SLC24A4: variants seen among roughly 807,000 people sequenced by gnomAD.
SLC24A4 encodes the protein sodium/potassium/calcium exchanger 4.
A neutral mutation model predicts 79.0 loss-of-function variants in SLC24A4; 53 were observed. The ratio of observed to expected loss-of-function variants is 0.67; its 90% CI spans 0.54 to 0.84. The LOEUF (loss-of-function observed/expected upper bound fraction) is 0.84, where lower values mean the gene tolerates loss of function less well. Among genes scored for constraint, SLC24A4 ranks in the 40% least tolerant of loss-of-function variants. The probability of loss-of-function intolerance (pLI) is 0.00; values close to 1 mark genes in which losing one functional copy is unlikely to be tolerated. For synonymous variants in SLC24A4, 323 were observed against 323.8 expected (o/e 1.00, Z 0.03); for missense variants, 731 against 822.0 (o/e 0.89, Z 1.35).
chr14:92,401,327 A>G (rs1460089634), intron 2 of SLC24A4, among the ~76,000 whole-genome samples: 1 of 152,208 alleles, frequency 6.6e-6, no homozygotes, highest in Non-Finnish European at 1.5e-5. Flanking sequence ...TGTTCAAACC[A>G]TAGACATTGT....
intron 2 of SLC24A4, among the ~76,000 whole-genome samples, chr14:92,341,647 G>T: frequency 6.6e-6 from 1 of 152,152 alleles, no homozygotes; most frequent in Non-Finnish European, 1.5e-5. Flanking sequence ...AACCGTCGAC[G>T]GGCAGCTTGC....
chr14:92,367,702 G>C (rs979849534), intron 2 of SLC24A4, among the ~76,000 whole-genome samples: 1 of 152,250 alleles, frequency 6.6e-6, no homozygotes, highest in African/African-American at 2.4e-5. Flanking sequence ...TTGATGTCTG[G>C]ATTCAGGTGG....
chr14:92,352,593 C>T (rs946469668), intron 2 of SLC24A4, among the ~76,000 whole-genome samples: 3 of 152,208 alleles, frequency 2.0e-5, no homozygotes, highest in East Asian at 1.9e-4. Flanking sequence ...AGATGTGTGA[C>T]ATCCTCCTCA....
intron 2 of SLC24A4, among the ~76,000 whole-genome samples, chr14:92,388,395 T>C (rs117438089): frequency 0.12 from 19,008 of 152,220 alleles, 1,437 homozygotes; most frequent in Middle Eastern, 0.2. Context: ...TCTGTGGTTC[T>C]GTGGCTGCCG....
Position 92,439,319 on chromosome 14 carries a change from CCT to C in SLC24A4, c.319-10_319-9del. ...GGACCCTCACCGACCCTGCCTGTCT[CCT>C]CTCTCCTTTGCAGGCTCTGTATATG... On this transcript the variant is annotated splice_polypyrimidine_tract_variant and intron_variant, in intron 3 of 16. Coordinates refer to ENST00000532405, the MANE Select transcript of SLC24A4 (RefSeq NM_153646.4). 1 of 1,610,838 alleles carries C rather than the reference CCT, an allele frequency of 6.2e-7. No homozygotes were observed. Among genetic ancestry groups the C allele is most frequent in the South Asian group, 1.1e-5 (1 of 91,014 alleles).
rs780409396 is a variant in SLC24A4 at position 92,485,532 on chromosome 14, C to T, written c.1423-1134C>T. 5.9e-5 allele frequency among the ~76,000 whole-genome samples: 9 copies of T among 151,586 alleles called. No homozygotes were observed. The Middle Eastern group carries it at 0.014, about 229-fold the overall frequency. Reference sequence around the variant, plus strand: ...AGATGACAATCAGAGATAAAGAAAACTGTGCCTTAAGTGAATTGGATTTGC... The same window carrying T: ...AGATGACAATCAGAGATAAAGAAAATTGTGCCTTAAGTGAATTGGATTTGC... On this transcript the variant is annotated intron_variant, in intron 13 of 16. Transcript: ENST00000532405.
intron 2 of SLC24A4, among the ~76,000 whole-genome samples, chr14:92,349,985 A>G (rs12890844): frequency 0.55 from 84,337 of 152,114 alleles, 26,736 homozygotes; most frequent in East Asian, 0.78. Context: ...TACCTGGCAG[A>G]TATTTCACCA....
chr14:92,351,107 T>C (rs1886835257), intron 2 of SLC24A4, among the ~76,000 whole-genome samples: 1 of 152,204 alleles, frequency 6.6e-6, no homozygotes, highest in Non-Finnish European at 1.5e-5. Context: ...ACTCAATCTA[T>C]GGTACTTTGT....
intron 2 of SLC24A4, among the ~76,000 whole-genome samples, chr14:92,334,688 C>A (rs1885674651): frequency 6.6e-6 from 1 of 152,122 alleles, no homozygotes; most frequent in African/African-American, 2.4e-5. Flanking sequence ...GGGTTTGAGT[C>A]CCAGCTCACC....
intron 10 of SLC24A4, chr14:92,451,189 G>A (rs1363024590): frequency 6.6e-6 from 1 of 152,246 alleles, no homozygotes; most frequent in Non-Finnish European, 1.5e-5. Flanking sequence ...AAGTGTGGAG[G>A]GAAGTGGGGT....
At chr14:92,456,670 C>T (rs1050344534) in intron 12 of SLC24A4, 62 bp downstream of exon 12, 3 of 1,541,460 alleles carry the variant, frequency 1.9e-6, no homozygotes, top group African/African-American at 2.7e-5. Context: ...AGGACCAAGC[C>T]CAGGTCTTCA....
At chr14:92,492,299 G>T (rs192947870) in intron 16 of SLC24A4, 59 bp downstream of exon 16, 2 of 1,515,232 alleles carry the variant, frequency 1.3e-6, no homozygotes, top group East Asian at 2.3e-5. Context: ...ATCTGATTCC[G>T]CCTCGTCACT....
Position 92,497,668 on chromosome 14 carries a change from A to G in SLC24A4, c.*4040A>G, listed in dbSNP as rs2149049. 151,592 of 152,386 alleles carry G rather than the reference A, an allele frequency of 0.99. 75,403 individuals carry two copies. The highest frequency in any genetic ancestry group is 1 in the East Asian group (5,174 of 5,174). The allele number at this position is 152,386 out of a possible 1,614,324, so 9.4% of individuals were successfully genotyped here. A position where few individuals can be genotyped will look rare whatever the true frequency, so the allele number is the denominator to read the frequency against. ...AAACTGGAACAGGGAAGGTTCTGTT[A>G]CCACACTTTGGAACTTTCCCCCTGG... On this transcript the variant is annotated 3_prime_UTR_variant, in exon 17 of 17. Transcript: ENST00000532405.
intron 2 of SLC24A4, among the ~76,000 whole-genome samples, chr14:92,355,420 C>A (rs1477001384): frequency 2.0e-5 from 3 of 152,214 alleles, no homozygotes; most frequent in African/African-American, 7.2e-5. Flanking sequence ...TGAGGTCTCA[C>A]TCTCAGGTAG....
Position 92,493,862 on chromosome 14 carries a change from G to A in SLC24A4, c.*234G>A. 1 of 556,234 alleles carries A rather than the reference G, an allele frequency of 1.8e-6. No individual in the cohort carries two copies. Among genetic ancestry groups the A allele is most frequent in the South Asian group, 2.2e-5 (1 of 44,704 alleles). The allele number at this position is 556,234 out of a possible 1,614,324, so 34.5% of individuals were successfully genotyped here. On this transcript the variant is annotated 3_prime_UTR_variant, in exon 17 of 17. Transcript: ENST00000532405. ...AGGCTGGATTTGGGGGCCATTATCT[G>A]AGCAGCTTCAAAGACCCCTGAGCTG...
chr14:92,345,962 A>G (rs1375944333), intron 2 of SLC24A4, among the ~76,000 whole-genome samples: 1 of 152,136 alleles, frequency 6.6e-6, no homozygotes, highest in African/African-American at 2.4e-5. Context: ...ATCAGGAGAT[A>G]GTGACTGGGA....
At chr14:92,358,856 G>A (rs1280262271) in intron 2 of SLC24A4, among the ~76,000 whole-genome samples, 1 of 151,690 alleles carries the variant, frequency 6.6e-6, no homozygotes, top group Non-Finnish European at 1.5e-5. Context: ...TTTAATTTTT[G>A]TGTTTTTTTA....
intron 2 of SLC24A4, among the ~76,000 whole-genome samples, chr14:92,410,132 C>T (rs764977543): frequency 7.2e-5 from 11 of 152,062 alleles, no homozygotes; most frequent in Non-Finnish European, 1.3e-4. Flanking sequence ...ATCCCTGTGA[C>T]GCAAGTTTAC....
chr14:92,377,581 A>G (rs1289125342), intron 2 of SLC24A4, among the ~76,000 whole-genome samples: 2 of 152,194 alleles, frequency 1.3e-5, no homozygotes. Context: ...CTGCAATGCC[A>G]GGGAGGGTCC....
Sources: gnomAD v4.1 joint callset for allele counts (sites outside exome capture counted in the v4.1 genomes callset) on GRCh38, gnomAD v4.1.1 for gene constraint, MANE v1.5 for transcripts, NCBI Gene and HGNC (gene_info 2026-07-23, HGNC 2026-07-21) for gene names.